Variants in RORB observed in about 807,000 individuals in gnomAD.
The protein encoded by RORB is RAR related orphan receptor B.
RORB carries 6 observed loss-of-function variants against 59.1 expected under a neutral mutation model. The ratio of observed to expected loss-of-function variants is 0.10; its 90% CI spans 0.06 to 0.20. RORB has a LOEUF of 0.20. Ranked by LOEUF, RORB falls within the 10% of genes least tolerant of loss-of-function variation. The pLI is 1.00. For missense variants in RORB, 320 were observed against 560.5 expected (o/e 0.57, Z 4.33); for synonymous variants, 215 against 204.5 (o/e 1.05, Z -0.44).
rs914416278 is a variant in RORB at position 74,690,164 on chromosome 9, G to A, written c.*4546G>A. 48 of 152,276 alleles carry A rather than the reference G, an allele frequency of 3.2e-4. No individual in the cohort carries two copies. The highest frequency in any genetic ancestry group is 1.0e-3 in the African/African-American group (42 of 41,548). The allele number at this position is 152,276 out of a possible 1,614,324, so 9.4% of individuals were successfully genotyped here. A position where few individuals can be genotyped will look rare whatever the true frequency, so the allele number is the denominator to read the frequency against. On this transcript the variant is annotated 3_prime_UTR_variant, in exon 10 of 10. Coordinates refer to ENST00000376896, the MANE Select transcript of RORB (RefSeq NM_006914.4). ...TGCTTTAGACGAAGTGTTATTTGAT[G>A]TTCTGTTTCCAACTGTCAGTATAAG...
At chr9:74,675,725 T>C (rs1824427242) in intron 9 of RORB, among the ~76,000 whole-genome samples, 1 of 152,096 alleles carries the variant, frequency 6.6e-6, no homozygotes, top group African/African-American at 2.4e-5. Context: ...GGTTCAGAGG[T>C]CAGCGTGCCC....
chr9:74,639,180 T>G (rs1377139851), intron 3 of RORB, among the ~76,000 whole-genome samples: 1 of 152,352 alleles, frequency 6.6e-6, no homozygotes, highest in East Asian at 1.9e-4. Flanking sequence ...GAGGTCTGGC[T>G]CTGCTTCACA....
chr9:74,557,488 G>T (rs530256180), intron 1 of RORB, among the ~76,000 whole-genome samples: 3 of 152,210 alleles, frequency 2.0e-5, no homozygotes, highest in African/African-American at 7.2e-5. Context: ...TATTTTAAGG[G>T]AATTAATAAA....
chr9:74,525,930 G>GA (rs924179016), intron 1 of RORB, among the ~76,000 whole-genome samples: 3 of 151,808 alleles, frequency 2.0e-5, no homozygotes, highest in Non-Finnish European at 4.4e-5. Context: ...AAGTATAGGG[G>GA]AAAAAATTGC....
chr9:74,566,342 A>G (rs1379477293), intron 1 of RORB, among the ~76,000 whole-genome samples: 3 of 151,964 alleles, frequency 2.0e-5, no homozygotes, highest in Non-Finnish European at 4.4e-5. Context: ...GATAATGCAT[A>G]TACATTTCTT....
chr9:74,542,528 G>A (rs1349085539), intron 1 of RORB, among the ~76,000 whole-genome samples: 1 of 152,076 alleles, frequency 6.6e-6, no homozygotes, highest in East Asian at 1.9e-4. Context: ...AGAAATAGAA[G>A]ATGAAGGTCT....
chr9:74,631,174 G>A (rs544030058), intron 2 of RORB, among the ~76,000 whole-genome samples: 54 of 152,314 alleles, frequency 3.5e-4, no homozygotes, highest in Admixed American at 7.2e-4. Context: ...TCTGAAATAA[G>A]AGAATGTTGA....
rs1332999544 is a variant in RORB at position 74,630,159 on chromosome 9, C to T, written c.8-123C>T. The T allele has an allele frequency of 9.2e-6, 12 of 1,307,460 alleles. No homozygotes were observed. In the Admixed American group the frequency reaches 1.3e-4, roughly 14 times the overall value. The allele number at this position is 1,307,460 out of a possible 1,614,324, so 81.0% of individuals were successfully genotyped here. On this transcript the variant is annotated intron_variant, in intron 1 of 9. Coordinates refer to ENST00000376896, the MANE Select transcript of RORB (RefSeq NM_006914.4). ...TACTAATGGATGACTCCCACACCAC[C>T]GCTCACACCCCAGTATTTTCAAATA...
At chr9:74,656,303 C>G (rs1824078686) in intron 4 of RORB, among the ~76,000 whole-genome samples, 1 of 152,180 alleles carries the variant, frequency 6.6e-6, no homozygotes, top group South Asian at 2.1e-4. Context: ...TTGACTGTAG[C>G]TCCTCCACTC....
intron 6 of RORB, among the ~76,000 whole-genome samples, chr9:74,663,262 CATA>C (rs945375966): frequency 4.0e-5 from 6 of 151,698 alleles, no homozygotes; most frequent in Non-Finnish European, 2.9e-5. Flanking sequence ...GGTCCTAGGC[CATA>C]ATAATAATAA....
At chr9:74,670,128 A>C (rs1824325161) in intron 8 of RORB, among the ~76,000 whole-genome samples, 1 of 152,088 alleles carries the variant, frequency 6.6e-6, no homozygotes, top group Non-Finnish European at 1.5e-5. Flanking sequence ...AGATAGATGG[A>C]AGAAGTGACA....
At chr9:74,499,421 C>A (rs1825773919) in intron 1 of RORB, among the ~76,000 whole-genome samples, 2 of 152,166 alleles carry the variant, frequency 1.3e-5, no homozygotes, top group African/African-American at 2.4e-5. Context: ...GGTTTGCTGG[C>A]TGGACGCTGG....
At chr9:74,662,719 C>T in intron 6 of RORB, 113 bp downstream of exon 6, 1 of 1,114,686 alleles carries the variant, frequency 9.0e-7, no homozygotes, top group Non-Finnish European at 1.3e-6. Context: ...TTCTACCACC[C>T]ACATTGTCAG....
chr9:74,653,774 T>C (rs1180507111), intron 4 of RORB, among the ~76,000 whole-genome samples: 1 of 149,834 alleles, frequency 6.7e-6, no homozygotes, highest in East Asian at 2.0e-4. Flanking sequence ...TGAGACATTG[T>C]AGCCTTTGGA....
At chr9:74,633,322 T>C (rs78193431) in intron 2 of RORB, among the ~76,000 whole-genome samples, 153 of 152,272 alleles carry the variant, frequency 1.0e-3, no homozygotes, top group African/African-American at 3.5e-3. Context: ...GTTCATCCTG[T>C]AGATAGTTGA....
chr9:74,613,955 ATTTTATTTATTCAAGCCAC>A (rs1279253663), intron 1 of RORB, among the ~76,000 whole-genome samples: 1 of 152,130 alleles, frequency 6.6e-6, no homozygotes. Flanking sequence ...TGTGTACCAT[ATTTTATTTATTCAAGCCAC>A]CATTGGTGGG....
chr9:74,676,038 C>A (rs1304014849), intron 9 of RORB, among the ~76,000 whole-genome samples: 1 of 152,200 alleles, frequency 6.6e-6, no homozygotes, highest in African/African-American at 2.4e-5. Flanking sequence ...ATAAGGAAGG[C>A]CGGTCCAGCT....
At chr9:74,541,061 A>G (rs1157603222) in intron 1 of RORB, among the ~76,000 whole-genome samples, 1 of 151,918 alleles carries the variant, frequency 6.6e-6, no homozygotes, top group Non-Finnish European at 1.5e-5. Flanking sequence ...CGGGTAGATC[A>G]CCTGAGGTCA....
At chr9:74,675,531 C>T (rs984404773) in intron 9 of RORB, among the ~76,000 whole-genome samples, 1 of 152,110 alleles carries the variant, frequency 6.6e-6, no homozygotes, top group African/African-American at 2.4e-5. Context: ...TGCCTTCCAA[C>T]GTCCAGTCCA....
Sources: gnomAD v4.1 joint callset for allele counts (sites outside exome capture counted in the v4.1 genomes callset) on GRCh38, gnomAD v4.1.1 for gene constraint, MANE v1.5 for transcripts, NCBI Gene and HGNC (gene_info 2026-07-23, HGNC 2026-07-21) for gene names.